The following NUDT5 variants were observed in gnomAD, a reference collection of about 807,000 sequenced individuals.
The protein encoded by NUDT5 is nudix hydrolase 5.
Under a neutral mutation model 34.1 loss-of-function variants are expected in NUDT5, and 21 were observed. The observed-to-expected ratio is 0.62, with a 90% CI of 0.44 to 0.89. NUDT5 has a LOEUF of 0.89. Ranked by LOEUF, NUDT5 falls within the 40% of genes least tolerant of loss-of-function variation. The pLI, the probability that NUDT5 is intolerant of heterozygous loss-of-function variation, is 0.00. For synonymous variants in NUDT5, 85 were observed against 97.6 expected (o/e 0.87, Z 0.76); for missense variants, 249 against 274.8 (o/e 0.91, Z 0.66).
intron 1 of NUDT5, among the ~76,000 whole-genome samples, chr10:12,191,443 C>T (rs374799308): frequency 6.6e-6 from 1 of 150,482 alleles, no homozygotes; most frequent in Admixed American, 6.7e-5. Context: ...CCACAAAACT[C>T]CCAAAACAAC....
intron 3 of NUDT5, chr10:12,184,452 TG>T (rs757921785): frequency 2.6e-6 from 4 of 1,530,156 alleles, no homozygotes; most frequent in Non-Finnish European, 3.5e-6. Flanking sequence ...GTGTACAAAA[TG>T]TTTTTTTCCC....
chr10:12,193,576 T>C (rs1835272520), intron 1 of NUDT5, among the ~76,000 whole-genome samples: 1 of 152,146 alleles, frequency 6.6e-6, no homozygotes, highest in Non-Finnish European at 1.5e-5. Context: ...ACCACGGTGG[T>C]TAAAATACAG....
At chr10:12,180,148 T>G (rs1835021428) in intron 3 of NUDT5, among the ~76,000 whole-genome samples, 1 of 152,232 alleles carries the variant, frequency 6.6e-6, no homozygotes, top group African/African-American at 2.4e-5. Context: ...CCTTGTCATA[T>G]TTTCATTAAA....
intron 7 of NUDT5, 78 bp downstream of exon 7, chr10:12,172,687 T>A (rs1834877878): frequency 8.7e-6 from 8 of 923,564 alleles, no homozygotes; most frequent in Non-Finnish European, 1.2e-5. Context: ...TACATTCTTT[T>A]AATAAATCAA....
intron 5 of NUDT5, among the ~76,000 whole-genome samples, chr10:12,176,386 C>T (rs1996999): frequency 0.48 from 72,005 of 151,512 alleles, 17,455 homozygotes; most frequent in South Asian, 0.61. Context: ...GGTGGATCAC[C>T]TGAGGTCAGG....
intron 4 of NUDT5, 39 bp from the exon 5 acceptor site, chr10:12,177,939 G>A (rs1312992174): frequency 6.7e-7 from 1 of 1,497,120 alleles, no homozygotes; most frequent in Non-Finnish European, 9.3e-7. Context: ...TCCCTAATGA[G>A]AGGTCAGCAA....
At chr10:12,188,143 C>G (rs1394886502) in intron 1 of NUDT5, among the ~76,000 whole-genome samples, 1 of 152,010 alleles carries the variant, frequency 6.6e-6, no homozygotes, top group African/African-American at 2.4e-5. Context: ...CCCCACCTAA[C>G]TTCGGCTTCA....
Position 12,168,029 on chromosome 10 carries a change from T to A in NUDT5, c.551-218A>T. ...AGACAAGAACATCAGGGATAATGAT[T>A]TTTTTTTTTTTTGGTGAGACAGTCT... On this transcript the variant is annotated intron_variant, in intron 9 of 9. Transcript: ENST00000491614. The surrounding 1 kb of genome is among the most constrained non-coding windows in gnomAD (Gnocchi z 4.8). 1.4e-6 allele frequency: 1 copy of A among 717,694 alleles called. No individual in the cohort carries two copies. Among genetic ancestry groups the A allele is most frequent in the Non-Finnish European group, 1.9e-6 (1 of 533,404 alleles). The allele number at this position is 717,694 out of a possible 1,614,324, so 44.5% of individuals were successfully genotyped here.
intron 1 of NUDT5, among the ~76,000 whole-genome samples, chr10:12,189,957 G>A (rs918950891): frequency 8.0e-5 from 12 of 149,772 alleles, no homozygotes; most frequent in South Asian, 2.1e-4. Context: ...GCAGTGGCGC[G>A]ATCTCCGCTC....
rs532263714 is a variant in NUDT5, at chr10:12,187,822, A to G, written c.-41-1490T>C. The stretch of plus-strand genomic sequence containing the variant: ...ATTTTTTTCTTGAACGACTTCACTG[A>G]TGATTTCCTCCCCTGTGTTTTCTCT... On this transcript the variant is annotated intron_variant, in intron 1 of 9. Transcript: ENST00000491614. The surrounding 1 kb of genome is among the most constrained non-coding windows in gnomAD (Gnocchi z 5.4). Among the ~76,000 whole-genome samples, 3 of 152,204 alleles carry G rather than the reference A, an allele frequency of 2.0e-5. No individual in the cohort carries two copies. The highest frequency in any genetic ancestry group is 6.5e-5 in the Admixed American group (1 of 15,288).
At chr10:12,188,842 T>A (rs940690722) in intron 1 of NUDT5, among the ~76,000 whole-genome samples, 2 of 151,792 alleles carry the variant, frequency 1.3e-5, no homozygotes, top group African/African-American at 4.8e-5. Context: ...AACACAAAAT[T>A]TATGTCAAGT....
At position 12,171,378 on chromosome 10, in the gene NUDT5, A is replaced by G. The variant is rs973310321; in HGVS notation, c.488-470T>C. Among the ~76,000 whole-genome samples the G allele has an allele frequency of 6.6e-6, 1 of 152,164 alleles. No homozygotes were observed. The highest frequency in any genetic ancestry group is 2.4e-5 in the African/African-American group (1 of 41,448). On this transcript the variant is annotated intron_variant, in intron 7 of 9. Transcript: ENST00000491614. This position sits in a 1 kb window ranked among gnomAD's most constrained non-coding sequence, Gnocchi z 4.2. ...CTCTATCAGTTTGTCTATTCTGGGC[A>G]CCCAGATACGTAGAATCAGAGTATT...
At chr10:12,193,647 A>G (rs958355185) in intron 1 of NUDT5, among the ~76,000 whole-genome samples, 3 of 152,208 alleles carry the variant, frequency 2.0e-5, no homozygotes, top group African/African-American at 4.8e-5. Flanking sequence ...TATAATGTCA[A>G]TTTATTTGAT....
intron 2 of NUDT5, 46 bp from the exon 3 acceptor site, chr10:12,185,002 T>C: frequency 5.9e-6 from 6 of 1,012,362 alleles, no homozygotes; most frequent in Non-Finnish European, 9.2e-6. Context: ...CAAACCAAGT[T>C]GTTTTTATCT....
At position 12,175,996 on chromosome 10, in the gene NUDT5, G is replaced by A. The variant is rs376779509; in HGVS notation, c.289+1797C>T. ...TGTAATCCCAGCACTTTGGGAGGCC[G>A]AGACCAGCCTGACCAACATGGAGAA... On this transcript the variant is annotated intron_variant, in intron 5 of 9. Coordinates refer to ENST00000491614, the MANE Select transcript of NUDT5 (RefSeq NM_014142.4). This position sits in a 1 kb window ranked among gnomAD's most constrained non-coding sequence, Gnocchi z 4.8. 4.0e-5 allele frequency among the ~76,000 whole-genome samples: 6 copies of A among 151,444 alleles called. No individual in the cohort carries two copies. The highest frequency in any genetic ancestry group is 7.3e-5 in the African/African-American group (3 of 41,246).
rs1006446184 is a variant in NUDT5 at position 12,171,086 on chromosome 10, T to C, written c.488-178A>G. The stretch of plus-strand genomic sequence containing the variant: ...TATGAAGTTATTGTTCTCCACATAA[T>C]GTTAAGTAGCAAAATTTAAAGCATA... On this transcript the variant is annotated intron_variant, in intron 7 of 9. Transcript: ENST00000491614. This position sits in a 1 kb window ranked among gnomAD's most constrained non-coding sequence, Gnocchi z 4.2. Among the ~76,000 whole-genome samples, 24 of 152,220 alleles carry C rather than the reference T, an allele frequency of 1.6e-4. No homozygotes were observed. The highest frequency in any genetic ancestry group is 5.8e-4 in the African/African-American group (24 of 41,456).
At chr10:12,186,599 CCTT>C (rs1835133099) in intron 1 of NUDT5, among the ~76,000 whole-genome samples, 1 of 151,356 alleles carries the variant, frequency 6.6e-6, no homozygotes, top group South Asian at 2.1e-4. Context: ...TAGAGGCCAC[CCTT>C]CTTCATCAGA....
At chr10:12,172,587 C>T (rs927743953) in intron 7 of NUDT5, 178 bp downstream of exon 7, 5 of 596,968 alleles carry the variant, frequency 8.4e-6, no homozygotes, top group Non-Finnish European at 1.5e-5. Context: ...AATGAAGTGG[C>T]AAAAGAAAAA....
Position 12,171,038 on chromosome 10 carries a change from T to C in NUDT5, c.488-130A>G, listed in dbSNP as rs1360058393. ...CCTGGGTTTCTGCTAACTTAATTTATATACATTGTCAAACTCGAGCAGTAT... is the reference window on the plus strand; with the variant it reads ...CCTGGGTTTCTGCTAACTTAATTTACATACATTGTCAAACTCGAGCAGTAT... On this transcript the variant is annotated intron_variant, in intron 7 of 9. Coordinates refer to ENST00000491614, the MANE Select transcript of NUDT5 (RefSeq NM_014142.4). The surrounding 1 kb of genome is among the most constrained non-coding windows in gnomAD (Gnocchi z 4.2). The C allele has an allele frequency of 1.1e-5, 10 of 933,290 alleles. No individual in the cohort carries two copies. In the East Asian group the frequency reaches 2.6e-4, roughly 24 times the overall value. The allele number at this position is 933,290 out of a possible 1,614,324, so 57.8% of individuals were successfully genotyped here. A position where few individuals can be genotyped will look rare whatever the true frequency, so the allele number is the denominator to read the frequency against.
Sources: gnomAD v4.1 joint callset for allele counts (sites outside exome capture counted in the v4.1 genomes callset) on GRCh38, gnomAD v4.1.1 for gene constraint, Gnocchi (gnomAD v3.1) non-coding constraint, MANE v1.5 for transcripts, NCBI Gene and HGNC (gene_info 2026-07-23, HGNC 2026-07-21) for gene names.